The following ZMIZ1 variants were observed in gnomAD, a reference collection of about 807,000 sequenced individuals.
The protein encoded by ZMIZ1 is zinc finger MIZ domain-containing protein 1.
ZMIZ1 carries 17 observed loss-of-function variants against 113.9 expected under a neutral mutation model. The observed-to-expected ratio is 0.15, with a 90% CI of 0.10 to 0.22. ZMIZ1 has a LOEUF of 0.22. Ranked by LOEUF, ZMIZ1 falls within the 10% of genes least tolerant of loss-of-function variation. The pLI, the probability that ZMIZ1 is intolerant of heterozygous loss-of-function variation, is 1.00. For synonymous variants in ZMIZ1, 607 were observed against 603.1 expected (o/e 1.01, Z -0.09); for missense variants, 1,059 against 1,477.8 (o/e 0.72, Z 4.65).
At chr10:79,121,241 C>T (rs1025084512) in intron 2 of ZMIZ1, among the ~76,000 whole-genome samples, 11 of 152,178 alleles carry the variant, frequency 7.2e-5, no homozygotes, top group Non-Finnish European at 1.2e-4. Flanking sequence ...GAAACTGAGG[C>T]TCAGAGAGGG....
intron 1 of ZMIZ1, among the ~76,000 whole-genome samples, chr10:79,099,098 A>T (rs1306169690): frequency 1.3e-5 from 2 of 151,980 alleles, no homozygotes; most frequent in Non-Finnish European, 2.9e-5. Context: ...CAAGGCCTGC[A>T]CCCCCTCCTC....
intron 2 of ZMIZ1, among the ~76,000 whole-genome samples, chr10:79,136,033 C>G (rs562137621): frequency 6.6e-6 from 1 of 152,304 alleles, no homozygotes; most frequent in East Asian, 1.9e-4. Context: ...AACAAAGGCA[C>G]TGCTCCTAGG....
chr10:79,126,216 C>T lies in ZMIZ1; in HGVS notation c.-227+7192C>T, dbSNP rs536984666. Among the ~76,000 whole-genome samples, 277 of 152,292 alleles carry T rather than the reference C, an allele frequency of 1.8e-3. 1 individual carries two copies. Among genetic ancestry groups the T allele is most frequent in the African/African-American group, 6.3e-3 (263 of 41,562 alleles). Reference sequence around the variant, plus strand: ...GCCCAATGGTCAGGGCTAGGGGCAACGCCTCAGAGTCAGGGCCTAGTGTGA... The same window carrying T: ...GCCCAATGGTCAGGGCTAGGGGCAATGCCTCAGAGTCAGGGCCTAGTGTGA... On this transcript the variant is annotated intron_variant, in intron 2 of 24. Transcript: ENST00000334512.
intron 4 of ZMIZ1, among the ~76,000 whole-genome samples, chr10:79,195,168 G>C (rs1039640564): frequency 6.6e-6 from 1 of 152,214 alleles, no homozygotes; most frequent in Non-Finnish European, 1.5e-5. Context: ...TTTCTGAACA[G>C]CCGGAGCTCC....
chr10:79,125,424 G>T (rs7895162), intron 2 of ZMIZ1, among the ~76,000 whole-genome samples: 1 of 152,160 alleles, frequency 6.6e-6, no homozygotes, highest in South Asian at 2.1e-4. Context: ...GCCGTCCCAG[G>T]GTCCTGGACA....
chr10:79,262,108 G>A (rs1851306145), intron 7 of ZMIZ1, among the ~76,000 whole-genome samples: 1 of 152,190 alleles, frequency 6.6e-6, no homozygotes. Flanking sequence ...ACCCAGAAGG[G>A]GAGAGAAAAG....
intron 7 of ZMIZ1, among the ~76,000 whole-genome samples, chr10:79,229,557 G>A (rs948551829): frequency 6.6e-6 from 1 of 152,188 alleles, no homozygotes; most frequent in Non-Finnish European, 1.5e-5. Context: ...GAATTACTGG[G>A]GGGAAACATT....
At chr10:79,189,065 G>A (rs1054546254) in intron 4 of ZMIZ1, among the ~76,000 whole-genome samples, 2 of 152,214 alleles carry the variant, frequency 1.3e-5, no homozygotes, top group African/African-American at 2.4e-5. Context: ...ATGGTGCCCA[G>A]GCAGACTTCA....
In ZMIZ1 at chr10:79,069,451, C is replaced by G. The variant is rs1464274316; in HGVS notation, c.-337+181C>G. On this transcript the variant is annotated intron_variant, in intron 1 of 24. Transcript: ENST00000334512. The surrounding 1 kb of genome is among the most constrained non-coding windows in gnomAD (Gnocchi z 4.6). The stretch of plus-strand genomic sequence containing the variant: ...TCCGCTCTCCTTGGCGGCCGGGGGC[C>G]GAGGCCCGGCGGCCGGCGAGCTCCC... 6.6e-6 allele frequency among the ~76,000 whole-genome samples: 1 copy of G among 150,930 alleles called. No homozygotes were observed. Among genetic ancestry groups the G allele is most frequent in the African/African-American group, 2.4e-5 (1 of 41,200 alleles).
At chr10:79,117,596 C>T (rs993581959) in intron 1 of ZMIZ1, among the ~76,000 whole-genome samples, 44 of 152,234 alleles carry the variant, frequency 2.9e-4, no homozygotes, top group Admixed American at 1.4e-3. Context: ...AGCATTCTAA[C>T]ACATGTCTTC....
At chr10:79,258,637 G>A (rs1429542956) in intron 7 of ZMIZ1, among the ~76,000 whole-genome samples, 1 of 152,216 alleles carries the variant, frequency 6.6e-6, no homozygotes, top group African/African-American at 2.4e-5. Flanking sequence ...GTTGGATGAG[G>A]CAAAGTGGGA....
chr10:79,245,521 C>T (rs7079471), intron 7 of ZMIZ1, among the ~76,000 whole-genome samples: 168 of 152,170 alleles, frequency 1.1e-3, no homozygotes, highest in African/African-American at 3.8e-3. Context: ...GGAGTTGGGA[C>T]GGGGTCGGGG....
At position 79,291,131 on chromosome 10, in the gene ZMIZ1, T is replaced by C. The variant is rs1564587749; in HGVS notation, c.713T>C (p.Met238Thr). 6.2e-7 allele frequency: 1 copy of C among 1,613,586 alleles called. No individual in the cohort carries two copies. The highest frequency in any genetic ancestry group is 8.5e-7 in the Non-Finnish European group (1 of 1,179,614). Residue 238 changes from methionine (M) to threonine (T), a missense_variant, in exon 10 of 25, where the codon ATG (methionine) becomes ACG (threonine). Around this residue, in one of 6 missense-constraint regions of ZMIZ1, gnomAD observed 272 missense variants for 350.4 expected, o/e 0.78. Coordinates refer to ENST00000334512, the MANE Select transcript of ZMIZ1 (RefSeq NM_020338.4). ...GCTCAGCCCTACATCCAGCAGAGCA[T>C]GTATGGCCGGCCCAACTACCCCGGC... ...GPAQPYIQQS[M>T]YGRPNYPGSG...
intron 18 of ZMIZ1, among the ~76,000 whole-genome samples, chr10:79,302,705 T>TTTTTTTTA (rs1220394783): frequency 1.1e-5 from 1 of 92,422 alleles, no homozygotes; most frequent in African/African-American, 4.2e-5. Flanking sequence ...TTTTTTTTTT[T>TTTTTTTTA]GAGAGAGAGA....
intron 3 of ZMIZ1, among the ~76,000 whole-genome samples, chr10:79,149,268 G>A (rs1474345186): frequency 6.6e-6 from 1 of 152,202 alleles, no homozygotes; most frequent in Non-Finnish European, 1.5e-5. Flanking sequence ...TTTGTCCCTG[G>A]TGGGCTGTCG....
chr10:79,243,047 G>A (rs1429969835), intron 7 of ZMIZ1, among the ~76,000 whole-genome samples: 1 of 151,394 alleles, frequency 6.6e-6, no homozygotes, highest in South Asian at 2.1e-4. Context: ...CGCGAGCCGG[G>A]GCTCCCTGGA....
chr10:79,166,202 C>G (rs1453790147), intron 4 of ZMIZ1, among the ~76,000 whole-genome samples: 2 of 152,196 alleles, frequency 1.3e-5, no homozygotes, highest in African/African-American at 4.8e-5. Context: ...CTCCTCACCT[C>G]TGCTCTCCTT....
At chr10:79,082,514 C>T (rs555721806) in intron 1 of ZMIZ1, among the ~76,000 whole-genome samples, 1 of 152,216 alleles carries the variant, frequency 6.6e-6, no homozygotes, top group South Asian at 2.1e-4. Context: ...GCAGGAGGGA[C>T]CTGGGCAGCC....
intron 3 of ZMIZ1, among the ~76,000 whole-genome samples, chr10:79,147,447 G>A (rs1330634467): frequency 6.6e-6 from 1 of 152,186 alleles, no homozygotes; most frequent in African/African-American, 2.4e-5. Context: ...TAGAGCCCTG[G>A]CCTCCGTGGC....
Sources: gnomAD v4.1 joint callset for allele counts (sites outside exome capture counted in the v4.1 genomes callset) on GRCh38, gnomAD v4.1.1 for gene constraint, gnomAD v4.1.1 regional missense constraint, Gnocchi (gnomAD v3.1) non-coding constraint, MANE v1.5 for transcripts, NCBI Gene and HGNC (gene_info 2026-07-23, HGNC 2026-07-21) for gene names.